UROC1: variants seen among roughly 807,000 people sequenced by gnomAD.
UROC1 encodes urocanate hydratase 1.
UROC1 carries 79 observed loss-of-function variants against 89.5 expected under a neutral mutation model. The observed-to-expected ratio is 0.88, with a 90% CI of 0.74 to 1.06. The LOEUF (loss-of-function observed/expected upper bound fraction) is 1.06. Ranked by LOEUF, UROC1 falls within the 50% of genes least tolerant of loss-of-function variation. The pLI is 0.00. For missense variants in UROC1, 885 were observed against 907.8 expected, an observed-to-expected ratio of 0.97 and a Z score of 0.32; for synonymous variants, 361 against 354.8, an observed-to-expected ratio of 1.02 and a Z score of -0.20.
intron 1 of UROC1, among the ~76,000 whole-genome samples, chr3:126,512,451 G>A (rs565780094): frequency 5.9e-5 from 9 of 152,344 alleles, no homozygotes; most frequent in East Asian, 3.9e-4. Flanking sequence ...AAGGCTAGGC[G>A]TGGTGGCTAA....
chr3:126,506,514 A>T (rs1302974123), intron 6 of UROC1, among the ~76,000 whole-genome samples: 2 of 152,200 alleles, frequency 1.3e-5, no homozygotes, highest in African/African-American at 2.4e-5. Flanking sequence ...TGGGAGGCAA[A>T]AGGGTTAAAT....
At position 126,481,592 on chromosome 3, in the gene UROC1, C is replaced by T. The variant is rs922051158; in HGVS notation, c.*753G>A. The T allele has an allele frequency of 2.0e-5, 3 of 152,224 alleles. No homozygotes were observed. Among genetic ancestry groups the T allele is most frequent in the African/African-American group, 7.2e-5 (3 of 41,442 alleles). The allele number at this position is 152,224 out of a possible 1,614,324, so 9.4% of individuals were successfully genotyped here. A position where few individuals can be genotyped will look rare whatever the true frequency, so the allele number is the denominator to read the frequency against. Reference sequence around the variant, plus strand: ...GCTAAGAGAATGAGATTCATGAGCCCTGGCCCTGACAGAGGCCACTTCCCC... The same window carrying T: ...GCTAAGAGAATGAGATTCATGAGCCTTGGCCCTGACAGAGGCCACTTCCCC... On this transcript the variant is annotated 3_prime_UTR_variant, in exon 20 of 20. Coordinates refer to ENST00000290868, the MANE Select transcript of UROC1 (RefSeq NM_144639.3).
chr3:126,504,046 C>T lies in UROC1; in HGVS notation c.851G>A (p.Gly284Asp), dbSNP rs1935998434. 6.2e-7 allele frequency: 1 copy of T among 1,614,046 alleles called. No individual in the cohort carries two copies. The highest frequency in any genetic ancestry group is 1.3e-5 in the African/African-American group (1 of 74,932). ...KAALEKRHRQ[G>D]WLMEVTDSLD... ...GCTGTCAGTCACTTCCATCAGCCAGCCCTGCCTGTGGCGTTTCTCAAGGGC... is the reference window on the plus strand; with the variant it reads ...GCTGTCAGTCACTTCCATCAGCCAGTCCTGCCTGTGGCGTTTCTCAAGGGC... The change falls in exon 9 of 20, where the codon GGC becomes GAC. Residue 284 changes from glycine (G) to aspartate (D), a missense_variant. Physicochemically the swap from Gly to Asp is moderately conservative, Grantham distance 94 (BLOSUM62 -1). Coordinates refer to ENST00000290868, the MANE Select transcript of UROC1 (RefSeq NM_144639.3).
chr3:126,502,628 TTATG>T (rs1225539336), intron 9 of UROC1, among the ~76,000 whole-genome samples: 1 of 149,270 alleles, frequency 6.7e-6, no homozygotes, highest in Non-Finnish European at 1.5e-5. Context: ...ATGTGTGTGT[TTATG>T]TGTGTGCATG....
intron 16 of UROC1, among the ~76,000 whole-genome samples, 160 bp downstream of exon 16, chr3:126,492,258 T>G (rs1050139165): frequency 6.6e-6 from 1 of 152,152 alleles, no homozygotes; most frequent in South Asian, 2.1e-4. Context: ...GAGGGGCTGG[T>G]CCACTGCTCC....
chr3:126,499,269 G>A (rs1469634345), intron 13 of UROC1, 68 bp downstream of exon 13: 1 of 1,551,302 alleles, frequency 6.4e-7, no homozygotes, highest in Admixed American at 1.7e-5. Flanking sequence ...AAATACCCAG[G>A]ACGCAGACCC....
At chr3:126,510,507 C>T (rs746249486) in intron 2 of UROC1, among the ~76,000 whole-genome samples, 157 bp downstream of exon 2, 5 of 152,178 alleles carry the variant, frequency 3.3e-5, no homozygotes, top group Non-Finnish European at 7.3e-5. Context: ...GCTCCCGAGG[C>T]GACGACACAG....
chr3:126,508,153 C>T, intron 4 of UROC1, 58 bp from the exon 5 acceptor site: 2 of 1,611,854 alleles, frequency 1.2e-6, no homozygotes, highest in Admixed American at 3.3e-5. Flanking sequence ...CCACACCCAG[C>T]CCCACACCAC....
At chr3:126,503,909 C>G in intron 9 of UROC1, 86 bp downstream of exon 9, 5 of 1,504,170 alleles carry the variant, frequency 3.3e-6, no homozygotes, top group Non-Finnish European at 4.6e-6. Context: ...CAGGCCCACA[C>G]CAAGCTGCCC....
intron 9 of UROC1, 53 bp downstream of exon 9, chr3:126,503,941 TC>T (rs1261714768): frequency 1.2e-6 from 2 of 1,606,406 alleles, no homozygotes; most frequent in African/African-American, 1.3e-5. Flanking sequence ...TCTTGTGGTC[TC>T]CTGCTGCCAC....
At chr3:126,488,673 C>A (rs1935572661) in intron 17 of UROC1, among the ~76,000 whole-genome samples, 1 of 152,198 alleles carries the variant, frequency 6.6e-6, no homozygotes, top group Non-Finnish European at 1.5e-5. Flanking sequence ...TTCCCTTGAC[C>A]CCATTAGGGA....
In UROC1 at chr3:126,508,452, A is replaced by G. The variant is rs1576728665; in HGVS notation, c.375T>C (p.Tyr125=). The G allele has an allele frequency of 4.3e-6, 7 of 1,613,844 alleles. No individual in the cohort carries two copies. The highest frequency in any genetic ancestry group is 5.9e-6 in the Non-Finnish European group (7 of 1,179,914). Residue 125 remains tyrosine, a synonymous_variant, in exon 4 of 20, where the codon TAT becomes TAC. Transcript: ENST00000290868. ...VAQFPQELVT[Y]GGNGQVFSNW... ...TGCTGAACACCTGCCCATTTCCTCCATAGGTCACCAGCTCCTGGGGAAACT... is the reference window on the plus strand; with the variant it reads ...TGCTGAACACCTGCCCATTTCCTCCGTAGGTCACCAGCTCCTGGGGAAACT...
In UROC1 at chr3:126,492,491, A is replaced by G; in HGVS notation, c.1535T>C (p.Leu512Pro). 6.2e-7 allele frequency: 1 copy of G among 1,613,076 alleles called. No homozygotes were observed. Among genetic ancestry groups the G allele is most frequent in the Non-Finnish European group, 8.5e-7 (1 of 1,179,964 alleles). ...CACGCGGCCCTTCTGGTCTGAGTAC[A>G]GGATCCTTGCCTGGGAGCCCACCAC... ...RLVVGSQARI[L>P]YSDQKGRVAI... Residue 512 changes from leucine (L) to proline (P), a missense_variant, in exon 16 of 20, where the codon CTG becomes CCG. Transcript: ENST00000290868.
chr3:126,495,649 T>C (rs1935758708), intron 15 of UROC1, among the ~76,000 whole-genome samples: 1 of 152,200 alleles, frequency 6.6e-6, no homozygotes, highest in South Asian at 2.1e-4. Flanking sequence ...GCTTCCAATT[T>C]TTTGGGCTAC....
intron 6 of UROC1, among the ~76,000 whole-genome samples, chr3:126,507,503 T>A (rs1936092808): frequency 6.6e-6 from 1 of 152,216 alleles, no homozygotes; most frequent in Admixed American, 6.5e-5. Flanking sequence ...TTTGAAATTG[T>A]TCATAATAAA....
At chr3:126,515,183 A>AGGGAGCTGATCACAGCCACG (rs1560129769) in intron 1 of UROC1, among the ~76,000 whole-genome samples, 3 of 151,908 alleles carry the variant, frequency 2.0e-5, no homozygotes, top group Non-Finnish European at 4.4e-5. Context: ...TCACAGCCAC[A>AGGGAGCTGATCACAGCCACG]GGGCGCCGCA....
In UROC1 at chr3:126,517,500, C is replaced by G. The variant is rs796523004; in HGVS notation, c.126+94G>C. 8 of 1,597,616 alleles carry G rather than the reference C, an allele frequency of 5.0e-6. No homozygotes were observed. In the African/African-American group the frequency reaches 1.1e-4, roughly 21 times the overall value. On this transcript the variant is annotated intron_variant, in intron 1 of 19. Coordinates refer to ENST00000290868, the MANE Select transcript of UROC1 (RefSeq NM_144639.3). ...GTCCAGGGTGGGCGGCTGAGCAGCT[C>G]CCACTAAGAGGGCAGGAAGCCTGGG...
chr3:126,512,429 T>C (rs1043461049), intron 1 of UROC1, among the ~76,000 whole-genome samples: 4 of 152,198 alleles, frequency 2.6e-5, no homozygotes, highest in Non-Finnish European at 5.9e-5. Context: ...ATGTTTATGC[T>C]ACGAAAAATA....
chr3:126,500,319 T>G (rs1371591196), intron 11 of UROC1, among the ~76,000 whole-genome samples, 165 bp from the exon 12 acceptor site: 2 of 152,190 alleles, frequency 1.3e-5, no homozygotes, highest in African/African-American at 4.8e-5. Flanking sequence ...CCCCTGCCCC[T>G]GTCATCTGTT....
Sources: gnomAD v4.1 joint callset for allele counts (sites outside exome capture counted in the v4.1 genomes callset) on GRCh38, gnomAD v4.1.1 for gene constraint, MANE v1.5 for transcripts, NCBI Gene and HGNC (gene_info 2026-07-23, HGNC 2026-07-21) for gene names.